Variants in SLC4A5 observed in about 807,000 individuals in gnomAD.
SLC4A5 encodes solute carrier family 4 member 5.
SLC4A5 carries 96 observed loss-of-function variants against 120.4 expected under a neutral mutation model. That is an observed-to-expected ratio of 0.80 (90% CI 0.68 to 0.94). The LOEUF (loss-of-function observed/expected upper bound fraction) is 0.94. SLC4A5 is among the 40% of genes least tolerant of loss of function. SLC4A5 has a pLI of 0.00. For missense variants in SLC4A5, 1,259 were observed against 1,459.5 expected, an observed-to-expected ratio of 0.86 and a Z score of 2.24; for synonymous variants, 550 against 571.1, an observed-to-expected ratio of 0.96 and a Z score of 0.53.
intron 8 of SLC4A5, among the ~76,000 whole-genome samples, chr2:74,279,975 C>A (rs1306021369): frequency 2.6e-5 from 4 of 152,194 alleles, no homozygotes; most frequent in African/African-American, 9.6e-5. Flanking sequence ...CCAAGTCTTG[C>A]CCCCTTTTAT....
chr2:74,326,379 C>T (rs926037289), intron 5 of SLC4A5, among the ~76,000 whole-genome samples: 2 of 152,186 alleles, frequency 1.3e-5, no homozygotes, highest in African/African-American at 2.4e-5. Context: ...GATCATAGAT[C>T]GCCTTGGTGT....
At chr2:74,239,394 T>A in exon 21 of SLC4A5, 1 of 1,614,118 alleles carries the variant, frequency 6.2e-7, no homozygotes, top group Non-Finnish European at 8.5e-7. Context: ...ATGGAGTATG[T>A]CCCAAAGAAA....
At chr2:74,284,792 C>T (rs979141997) in intron 8 of SLC4A5, among the ~76,000 whole-genome samples, 12 of 152,134 alleles carry the variant, frequency 7.9e-5, no homozygotes, top group Admixed American at 4.6e-4. Context: ...GCGACTTCTC[C>T]GTGCGGCTCC....
chr2:74,253,365 G>C (rs1449910847), intron 14 of SLC4A5, among the ~76,000 whole-genome samples: 1 of 152,204 alleles, frequency 6.6e-6, no homozygotes, highest in African/African-American at 2.4e-5. Flanking sequence ...CCATATTCTT[G>C]CTTGTAGGAC....
At chr2:74,239,518 G>C (rs768546526) in exon 21 of SLC4A5, 1 of 1,613,940 alleles carries the variant, frequency 6.2e-7, no homozygotes, top group Admixed American at 1.7e-5. Flanking sequence ...CCAACGCTGT[G>C]AGGTTAAGGA....
At position 74,255,711 on chromosome 2, in the gene SLC4A5, T is replaced by C; in HGVS notation, c.1025+64A>G. On this transcript the variant is annotated intron_variant, in intron 13 of 30. Coordinates refer to ENST00000394019, the Ensembl canonical transcript of SLC4A5. This position sits in a 1 kb window ranked among gnomAD's most constrained non-coding sequence, Gnocchi z 4.0. ...AACACTAACAGTCAACAGCACTGCT[T>C]GCTGACTGCACTGCTGACTGGCTAC... The C allele has an allele frequency of 6.3e-7, 1 of 1,588,642 alleles. No homozygotes were observed. Among genetic ancestry groups the C allele is most frequent in the Non-Finnish European group, 8.6e-7 (1 of 1,161,122 alleles).
intron 2 of SLC4A5, among the ~76,000 whole-genome samples, chr2:74,341,905 C>T (rs1673637988): frequency 6.6e-6 from 1 of 152,180 alleles, no homozygotes; most frequent in South Asian, 2.1e-4. Context: ...TCCTGTGATA[C>T]CAGAAGGGAG....
At chr2:74,239,766 T>C (rs953865988) in intron 20 of SLC4A5, among the ~76,000 whole-genome samples, 7 of 142,214 alleles carry the variant, frequency 4.9e-5, no homozygotes, top group African/African-American at 1.9e-4. Context: ...ACTGCTGTGC[T>C]AGCAAGTAGG....
intron 8 of SLC4A5, among the ~76,000 whole-genome samples, chr2:74,270,414 C>G (rs932984080): frequency 2.6e-5 from 4 of 152,324 alleles, no homozygotes; most frequent in South Asian, 2.1e-4. Context: ...TGGCTCATGC[C>G]TGTAATCCCA....
At chr2:74,308,128 A>G (rs1281498400) in intron 6 of SLC4A5, 12 of 343,998 alleles carry the variant, frequency 3.5e-5, no homozygotes, top group East Asian at 8.0e-5. Context: ...CCATTCTCCT[A>G]TTGAAGGACA....
intron 2 of SLC4A5, 22 bp from the exon 3 acceptor site, chr2:74,338,925 T>C (rs1367471842): frequency 1.3e-5 from 2 of 152,246 alleles, no homozygotes; most frequent in African/African-American, 4.8e-5. Context: ...AACAGAGATG[T>C]GGTTTGGGAC....
chr2:74,285,757 T>TG lies in SLC4A5; in HGVS notation c.401+15dup. On this transcript the variant is annotated intron_variant, in intron 8 of 30. Coordinates refer to ENST00000394019, the Ensembl canonical transcript of SLC4A5. ...GAGACTGAAGTGCCCACCTCCCTCG[T>TG]GGGGCCCCGCCTCACCTGGCTGACT... The TG allele has an allele frequency of 6.2e-7, 1 of 1,607,144 alleles. No homozygotes were observed. Among genetic ancestry groups the TG allele is most frequent in the Non-Finnish European group, 8.5e-7 (1 of 1,175,520 alleles).
intron 8 of SLC4A5, among the ~76,000 whole-genome samples, chr2:74,275,269 ATCC>A (rs1289369396): frequency 1.3e-5 from 2 of 152,190 alleles, no homozygotes. Flanking sequence ...TGAAGGGTCC[ATCC>A]TCCTGCACAC....
chr2:74,258,940 A>G (rs968035035), intron 12 of SLC4A5, among the ~76,000 whole-genome samples: 3 of 151,422 alleles, frequency 2.0e-5, no homozygotes, highest in African/African-American at 7.3e-5. Flanking sequence ...CTTTCTTCCT[A>G]CTCCTGGGGA....
At chr2:74,332,724 T>TGC (rs1207521664) in intron 4 of SLC4A5, among the ~76,000 whole-genome samples, 4 of 151,288 alleles carry the variant, frequency 2.6e-5, no homozygotes, top group Non-Finnish European at 5.9e-5. Flanking sequence ...TGTGTGTGTG[T>TGC]GCGTGTGTGT....
chr2:74,259,521 C>A (rs371938987), intron 12 of SLC4A5, 67 bp downstream of exon 12: 50 of 1,534,862 alleles, frequency 3.3e-5, no homozygotes, highest in Middle Eastern at 1.8e-4. Context: ...GGGATCCCTG[C>A]TCCTGAAACC....
chr2:74,306,896 C>A, intron 6 of SLC4A5: 1 of 629,600 alleles, frequency 1.6e-6, no homozygotes, highest in Non-Finnish European at 2.9e-6. Flanking sequence ...TGATCTCAGC[C>A]TCCAGCTTGA....
At chr2:74,275,384 T>C (rs1367127795) in intron 8 of SLC4A5, among the ~76,000 whole-genome samples, 1 of 152,252 alleles carries the variant, frequency 6.6e-6, no homozygotes, top group African/African-American at 2.4e-5. Context: ...GAGAGGCTTC[T>C]GGAACCAAAA....
intron 8 of SLC4A5, among the ~76,000 whole-genome samples, chr2:74,279,434 G>A (rs1671742685): frequency 6.6e-6 from 1 of 151,902 alleles, no homozygotes; most frequent in African/African-American, 2.4e-5. Flanking sequence ...TAACCTCCTG[G>A]TTGCCCCTTC....
Sources: gnomAD v4.1 joint callset for allele counts (sites outside exome capture counted in the v4.1 genomes callset) on GRCh38, gnomAD v4.1.1 for gene constraint, Gnocchi (gnomAD v3.1) non-coding constraint, MANE v1.5 for transcripts, NCBI Gene and HGNC (gene_info 2026-07-23, HGNC 2026-07-21) for gene names.